Variants in NCOA6 observed in about 807,000 individuals in gnomAD.
NCOA6 encodes nuclear receptor coactivator 6.
A neutral mutation model predicts 171.4 loss-of-function variants in NCOA6; 49 were observed. The ratio of observed to expected loss-of-function variants is 0.29; its 90% CI spans 0.23 to 0.36. The LOEUF (loss-of-function observed/expected upper bound fraction) is 0.36. Among genes scored for constraint, NCOA6 ranks in the 10% least tolerant of loss-of-function variants. The pLI is 1.00. For synonymous variants in NCOA6, 910 were observed against 927.5 expected, an observed-to-expected ratio of 0.98 and a Z score of 0.34; for missense variants, 2,248 against 2,554.5, an observed-to-expected ratio of 0.88 and a Z score of 2.59.
At position 34,742,974 on chromosome 20, in the gene NCOA6, T is replaced by C. The variant is rs2076194179; in HGVS notation, c.3282A>G (p.Lys1094=). The change falls in exon 11 of 15, where the codon AAA becomes AAG. Residue 1094 remains lysine (K), a synonymous_variant. Transcript: ENST00000359003. ...TATTCACAGGCATTGGCATTCTTTGTTTATCAGGTGATGGTGGCACGGAGG... is the reference window on the plus strand; with the variant it reads ...TATTCACAGGCATTGGCATTCTTTGCTTATCAGGTGATGGTGGCACGGAGG... ...GPASVPPSPD[K]QRMPMPVNTP... is the part of the protein sequence containing the mutation. 3 of 1,613,654 alleles carry C rather than the reference T, an allele frequency of 1.9e-6. No individual in the cohort carries two copies. The African/African-American group carries it at 4.0e-5, about 22-fold the overall frequency.
chr20:34,822,827 A>C (rs941627982), intron 1 of NCOA6, among the ~76,000 whole-genome samples: 1 of 152,198 alleles, frequency 6.6e-6, no homozygotes, highest in African/African-American at 2.4e-5. Context: ...GACAGGGAGA[A>C]AAAAATCTCT....
At chr20:34,806,373 T>C (rs1380466272) in intron 1 of NCOA6, among the ~76,000 whole-genome samples, 3 of 152,228 alleles carry the variant, frequency 2.0e-5, no homozygotes, top group African/African-American at 7.2e-5. Context: ...ATCTCCTCAC[T>C]GTTTCCTTTG....
intron 4 of NCOA6, 129 bp from the exon 5 acceptor site, chr20:34,768,715 A>G (rs2077052847): frequency 2.9e-6 from 3 of 1,048,966 alleles, no homozygotes; most frequent in African/African-American, 1.6e-5. Context: ...CACCAGAAAA[A>G]TGGTGGGTTC....
Position 34,741,581 on chromosome 20 carries a change from G to C in NCOA6, c.4675C>G (p.Leu1559Val). 6.2e-7 allele frequency: 1 copy of C among 1,614,208 alleles called. No homozygotes were observed. The highest frequency in any genetic ancestry group is 8.5e-7 in the Non-Finnish European group (1 of 1,180,038). ...ACCTCACTCAATTCGGGATGCACAA[G>C]GGATGAACACAGCTCATTACTGTGA... ...LPHSNELCSS[L>V]VHPELSEVSS... The change falls in exon 11 of 15, where the codon CTT (leucine) becomes GTT (valine). Residue 1559 changes from leucine to valine, a missense_variant. Coordinates refer to ENST00000359003, the MANE Select transcript of NCOA6 (RefSeq NM_014071.5).
intron 14 of NCOA6, among the ~76,000 whole-genome samples, chr20:34,721,746 C>T (rs1451892109): frequency 2.0e-5 from 3 of 152,034 alleles, no homozygotes; most frequent in East Asian, 3.9e-4. Flanking sequence ...GTCCATGGCC[C>T]GGGGATTGGG....
At chr20:34,816,272 CTGCCAAATATGTTAGTCT>C (rs1601157410) in intron 1 of NCOA6, among the ~76,000 whole-genome samples, 1 of 152,178 alleles carries the variant, frequency 6.6e-6, no homozygotes, top group Non-Finnish European at 1.5e-5. Flanking sequence ...AATCCCATCC[CTGCCAAATATGTTAGTCT>C]TAACTCTCAG....
intron 5 of NCOA6, among the ~76,000 whole-genome samples, chr20:34,761,018 C>T (rs1444921011): frequency 1.3e-5 from 2 of 151,794 alleles, no homozygotes; most frequent in African/African-American, 2.4e-5. Flanking sequence ...ATCAGGGGTT[C>T]GAGATCAGCC....
At position 34,715,204 on chromosome 20, in the gene NCOA6, G is replaced by C; in HGVS notation, c.*118C>G. 1 of 1,352,932 alleles carries C rather than the reference G, an allele frequency of 7.4e-7. No individual in the cohort carries two copies. Among genetic ancestry groups the C allele is most frequent in the Non-Finnish European group, 1.0e-6 (1 of 957,546 alleles). The allele number at this position is 1,352,932 out of a possible 1,614,324, so 83.8% of individuals were successfully genotyped here. On this transcript the variant is annotated 3_prime_UTR_variant, in exon 15 of 15. Transcript: ENST00000359003. ...AAACAGGTTGCAGGGACTAGGAAAA[G>C]GGCCACATTATTAAAATTACTAACT...
Position 34,749,696 on chromosome 20 carries a change from C to A in NCOA6, c.2499G>T (p.Val833=), listed in dbSNP as rs1200678675. The change falls in exon 9 of 15, where the codon GTG becomes GTT. Residue 833 remains valine, a synonymous_variant. Transcript: ENST00000359003. ...IQQTNMVPPH[V]QAMQGNSASG... is the part of the protein sequence containing the mutation. ...AGGCACTGTTTCCCTGCATGGCCTG[C>A]ACATGAGGGGGGACCATGTTGGTTT... 2 of 1,614,058 alleles carry A rather than the reference C, an allele frequency of 1.2e-6. No homozygotes were observed. The highest frequency in any genetic ancestry group is 1.7e-6 in the Non-Finnish European group (2 of 1,180,012).
At chr20:34,736,014 G>A (rs150698892) in intron 12 of NCOA6, among the ~76,000 whole-genome samples, 4 of 151,918 alleles carry the variant, frequency 2.6e-5, no homozygotes, top group Admixed American at 2.0e-4. Context: ...CCATATCTGC[G>A]ATATTTATCT....
intron 4 of NCOA6, among the ~76,000 whole-genome samples, chr20:34,770,470 C>T (rs966125975): frequency 6.6e-6 from 1 of 152,056 alleles, no homozygotes; most frequent in Non-Finnish European, 1.5e-5. Flanking sequence ...AAACAGAATA[C>T]AGGTCATGAG....
intron 1 of NCOA6, among the ~76,000 whole-genome samples, chr20:34,815,013 C>A (rs560759136): frequency 6.6e-6 from 1 of 152,326 alleles, no homozygotes; most frequent in Admixed American, 6.5e-5. Context: ...AGGGCTATTA[C>A]TGACCACAAT....
chr20:34,778,238 A>G (rs2146133568), intron 3 of NCOA6, among the ~76,000 whole-genome samples: 1 of 152,238 alleles, frequency 6.6e-6, no homozygotes, highest in South Asian at 2.1e-4. Flanking sequence ...AAGGAAGGAT[A>G]TCCTGCCACA....
intron 4 of NCOA6, among the ~76,000 whole-genome samples, chr20:34,772,006 T>C (rs1055961606): frequency 2.0e-5 from 3 of 152,198 alleles, no homozygotes; most frequent in Non-Finnish European, 2.9e-5. Flanking sequence ...GCATAATTAA[T>C]AGCATTCTCT....
intron 14 of NCOA6, among the ~76,000 whole-genome samples, chr20:34,717,177 G>A (rs753428213): frequency 4.6e-5 from 7 of 152,232 alleles, no homozygotes; most frequent in Non-Finnish European, 7.3e-5. Context: ...TAGGCCAGGC[G>A]TGGTGGCTCA....
Position 34,768,461 on chromosome 20 carries a change from T to C in NCOA6, c.514+3A>G. On this transcript the variant is annotated splice_donor_region_variant and intron_variant, in intron 5 of 14. Coordinates refer to ENST00000359003, the MANE Select transcript of NCOA6 (RefSeq NM_014071.5). ...TGTCATACAATTGAGTGGGAGGTCT[T>C]ACCTGGACCACTTGCCATAGGAAAT... is the stretch of plus-strand genomic sequence containing the variant. 6.2e-7 allele frequency: 1 copy of C among 1,614,116 alleles called. No individual in the cohort carries two copies. Among genetic ancestry groups the C allele is most frequent in the Non-Finnish European group, 8.5e-7 (1 of 1,179,978 alleles).
chr20:34,806,409 T>C (rs2078452442), intron 1 of NCOA6, among the ~76,000 whole-genome samples: 1 of 152,250 alleles, frequency 6.6e-6, no homozygotes, highest in Admixed American at 6.5e-5. Context: ...CTTAACTGGA[T>C]ATAATCCTAT....
intron 13 of NCOA6, among the ~76,000 whole-genome samples, 194 bp downstream of exon 13, chr20:34,732,365 C>G (rs1269190760): frequency 6.6e-6 from 1 of 152,134 alleles, no homozygotes; most frequent in African/African-American, 2.4e-5. Context: ...TGGCCTCCAG[C>G]TTTTATTAAG....
intron 13 of NCOA6, among the ~76,000 whole-genome samples, chr20:34,729,482 T>A (rs930085051): frequency 9.2e-5 from 14 of 152,270 alleles, no homozygotes; most frequent in Admixed American, 2.0e-4. Context: ...AGAAAAAAAA[T>A]TCTTTAGAAA....
Sources: allele counts gnomAD v4.1 joint callset (sites outside exome capture counted in the v4.1 genomes callset), GRCh38; gene constraint gnomAD v4.1.1; transcripts MANE v1.5; gene names NCBI Gene and HGNC (gene_info 2026-07-23, HGNC 2026-07-21).